CLDN10: variants seen among roughly 807,000 people sequenced by gnomAD.
The protein encoded by CLDN10 is claudin 10.
Under a neutral mutation model 22.9 loss-of-function variants are expected in CLDN10, and 15 were observed. The ratio of observed to expected loss-of-function variants is 0.65; its 90% confidence interval spans 0.44 to 1.01. The LOEUF (loss-of-function observed/expected upper bound fraction) is 1.01. Among genes scored for constraint, CLDN10 ranks in the 50% least tolerant of loss-of-function variants. The probability of loss-of-function intolerance (pLI) is 0.00; values close to 1 mark genes in which losing one functional copy is unlikely to be tolerated. For missense variants in CLDN10, 247 were observed against 287.8 expected, an observed-to-expected ratio of 0.86 and a Z score of 1.03; for synonymous variants, 114 against 111.4, an observed-to-expected ratio of 1.02 and a Z score of -0.15.
chr13:95,434,259 A>C (rs1233923117), intron 1 of CLDN10, among the ~76,000 whole-genome samples: 3 of 152,124 alleles, frequency 2.0e-5, no homozygotes, highest in Non-Finnish European at 2.9e-5. Flanking sequence ...GAATAACCTT[A>C]CAGGGCTTTT....
At chr13:95,514,951 A>G (rs1484269441) in intron 1 of CLDN10, among the ~76,000 whole-genome samples, 3 of 152,178 alleles carry the variant, frequency 2.0e-5, no homozygotes, top group Non-Finnish European at 2.9e-5. Flanking sequence ...GAGGAGACAG[A>G]TTTGAGATAC....
chr13:95,513,117 C>T lies in CLDN10; in HGVS notation c.215-47015C>T, dbSNP rs775366324. 4.6e-5 allele frequency among the ~76,000 whole-genome samples: 7 copies of T among 152,210 alleles called. 1 individual carries two copies. The South Asian group carries it at 8.3e-4, about 18-fold the overall frequency. Reference sequence around the variant, plus strand: ...TTGGTCTTGATCTCCTGGGCTTAAGCGATCCTCCCACTTCTGCCTCACAAA... The same window carrying T: ...TTGGTCTTGATCTCCTGGGCTTAAGTGATCCTCCCACTTCTGCCTCACAAA... On this transcript the variant is annotated intron_variant, in intron 1 of 4. Transcript: ENST00000376873.
chr13:95,562,409 T>C (rs2043726772), intron 3 of CLDN10, among the ~76,000 whole-genome samples: 1 of 152,212 alleles, frequency 6.6e-6, no homozygotes, highest in Non-Finnish European at 1.5e-5. Context: ...TATTCAGAAA[T>C]GTTATTAAAT....
At chr13:95,563,232 G>T (rs1197996999) in intron 3 of CLDN10, among the ~76,000 whole-genome samples, 5 of 147,608 alleles carry the variant, frequency 3.4e-5, no homozygotes, top group Admixed American at 2.0e-4. Flanking sequence ...GAGAGAGAGA[G>T]AGATAGATGT....
intron 3 of CLDN10, among the ~76,000 whole-genome samples, chr13:95,567,446 G>C (rs918999160): frequency 6.6e-6 from 1 of 152,198 alleles, no homozygotes; most frequent in Non-Finnish European, 1.5e-5. Context: ...GTATAGGAAT[G>C]CTTGTGATTT....
Position 95,562,731 on chromosome 13 carries a change from T to G in CLDN10, c.464+2268T>G, listed in dbSNP as rs114419778. 9.0e-3 allele frequency among the ~76,000 whole-genome samples: 1,366 copies of G among 152,362 alleles called. 21 individuals are homozygous for G. Among genetic ancestry groups the G allele is most frequent in the African/African-American group, 0.031 (1,302 of 41,586 alleles). On this transcript the variant is annotated intron_variant, in intron 3 of 4. Transcript: ENST00000299339. ...CATGGTTTATTTTATTAAACACATT[T>G]CTCACTCTTCCGCATTATCTTTTCT...
intron 1 of CLDN10, among the ~76,000 whole-genome samples, chr13:95,525,630 T>C (rs527537692): frequency 1.0e-3 from 157 of 152,260 alleles, no homozygotes; most frequent in African/African-American, 3.8e-3. Flanking sequence ...TAGCTGGGAT[T>C]ACAGGCGTGC....
At chr13:95,472,447 C>T (rs945542379) in intron 1 of CLDN10, among the ~76,000 whole-genome samples, 3 of 151,508 alleles carry the variant, frequency 2.0e-5, no homozygotes, top group East Asian at 3.9e-4. Context: ...TTTGGGAGGC[C>T]GAGGTGGGTA....
At chr13:95,464,455 T>G (rs2042565431) in intron 1 of CLDN10, among the ~76,000 whole-genome samples, 1 of 152,226 alleles carries the variant, frequency 6.6e-6, no homozygotes, top group South Asian at 2.1e-4. Flanking sequence ...AGCTGCATAG[T>G]ATTCCATGGT....
chr13:95,559,023 G>A (rs930910165), intron 1 of CLDN10, among the ~76,000 whole-genome samples: 1 of 152,118 alleles, frequency 6.6e-6, no homozygotes, highest in African/African-American at 2.4e-5. Flanking sequence ...ATTTATCATG[G>A]CTCTGCTTGA....
intron 1 of CLDN10, among the ~76,000 whole-genome samples, chr13:95,540,854 G>T (rs1015709833): frequency 1.6e-4 from 24 of 152,152 alleles, no homozygotes; most frequent in African/African-American, 5.1e-4. Context: ...GACACTTTTT[G>T]CTTGAACTAG....
intron 3 of CLDN10, among the ~76,000 whole-genome samples, chr13:95,563,095 A>ACACTCTCTCTCTCTCTCTCT (rs2043737662): frequency 7.8e-6 from 1 of 128,066 alleles, no homozygotes; most frequent in South Asian, 2.7e-4. Context: ...CTGCCTACCC[A>ACACTCTCTCTCTCTCTCTCT]CTCTCTCTCT....
chr13:95,533,229 G>A (rs950562730), intron 1 of CLDN10, among the ~76,000 whole-genome samples: 10 of 135,060 alleles, frequency 7.4e-5, no homozygotes, highest in Admixed American at 6.1e-4. Context: ...AAAAAAAAAA[G>A]ATTGATAGAG....
At chr13:95,577,385 C>A in intron 4 of CLDN10, 47 bp downstream of exon 4, 1 of 1,163,854 alleles carries the variant, frequency 8.6e-7, no homozygotes, top group Non-Finnish European at 1.3e-6. Flanking sequence ...AGAATGCTAT[C>A]ATAAATCATT....
intron 1 of CLDN10, among the ~76,000 whole-genome samples, chr13:95,546,791 A>G (rs576384616): frequency 2.6e-4 from 40 of 152,156 alleles, no homozygotes; most frequent in Non-Finnish European, 4.6e-4. Flanking sequence ...TATGGAAATC[A>G]TTCACCCTGT....
At chr13:95,530,032 T>A (rs1403494486) in intron 1 of CLDN10, among the ~76,000 whole-genome samples, 1 of 152,222 alleles carries the variant, frequency 6.6e-6, no homozygotes, top group East Asian at 1.9e-4. Flanking sequence ...AAATTTCACA[T>A]ATTAAAACCT....
intron 1 of CLDN10, among the ~76,000 whole-genome samples, chr13:95,516,526 C>T (rs886490152): frequency 1.1e-5 from 1 of 90,438 alleles, no homozygotes; most frequent in African/African-American, 4.0e-5. Context: ...TTAACTTCCT[C>T]TGAAATCCAA....
At chr13:95,532,321 A>G (rs890230354) in intron 1 of CLDN10, among the ~76,000 whole-genome samples, 2 of 152,192 alleles carry the variant, frequency 1.3e-5, no homozygotes, top group African/African-American at 4.8e-5. Flanking sequence ...AACTCAATAG[A>G]AAAGGAGCAA....
intron 1 of CLDN10, among the ~76,000 whole-genome samples, chr13:95,479,218 G>A (rs896820054): frequency 7.9e-5 from 12 of 152,028 alleles, no homozygotes; most frequent in African/African-American, 2.2e-4. Flanking sequence ...GTGTGGTGGC[G>A]GGTGCCTGTA....
Sources: allele counts gnomAD v4.1 joint callset (sites outside exome capture counted in the v4.1 genomes callset), GRCh38; gene constraint gnomAD v4.1.1; transcripts MANE v1.5; gene names NCBI Gene and HGNC (gene_info 2026-07-23, HGNC 2026-07-21).